The following AGL variants were observed in gnomAD, a reference collection of about 807,000 sequenced individuals.
AGL encodes glycogen debranching enzyme.
AGL carries 128 observed loss-of-function variants against 199.3 expected under a neutral mutation model. That is an observed-to-expected ratio of 0.64 (90% CI 0.56 to 0.74). The LOEUF is 0.74. Among genes scored for constraint, AGL ranks in the 30% least tolerant of loss-of-function variants. The probability of loss-of-function intolerance (pLI) is 0.00; values close to 1 mark genes in which losing one functional copy is unlikely to be tolerated. For missense variants in AGL, 1,809 were observed against 1,820.8 expected, an observed-to-expected ratio of 0.99 and a Z score of 0.12; for synonymous variants, 584 against 594.7, an observed-to-expected ratio of 0.98 and a Z score of 0.26.
chr1:99,884,623 G>C lies in AGL; in HGVS notation c.2601G>C (p.Leu867=). Residue 867 remains leucine, a synonymous_variant, in exon 20 of 34, where the codon CTG becomes CTC. Coordinates refer to ENST00000361915, the MANE Select transcript of AGL (RefSeq NM_000642.3). ...CTGTTGGAATTCTTCGAAATCATCTGACACAATTCAGTCCTCACTTTAAAT... is the reference window on the plus strand; with the variant it reads ...CTGTTGGAATTCTTCGAAATCATCTCACACAATTCAGTCCTCACTTTAAAT... ...QVAVGILRNH[L]TQFSPHFKSG... 1 of 1,613,864 alleles carries C rather than the reference G, an allele frequency of 6.2e-7. No homozygotes were observed. The highest frequency in any genetic ancestry group is 8.5e-7 in the Non-Finnish European group (1 of 1,179,842).
chr1:99,856,082 TA>T (rs1381824177), intron 2 of AGL, among the ~76,000 whole-genome samples: 3 of 152,186 alleles, frequency 2.0e-5, no homozygotes, highest in African/African-American at 7.2e-5. Context: ...GTATGAGGAA[TA>T]AGATAGCCAC....
Position 99,912,402 on chromosome 1 carries a change from T to C in AGL, c.3837-3T>C, listed in dbSNP as rs377763700. On this transcript the variant is annotated splice_region_variant and splice_polypyrimidine_tract_variant and intron_variant, in intron 28 of 33. Transcript: ENST00000361915. Reference sequence around the variant, plus strand: ...AGAATAAAAATACGTTTTTTAATTTTAGAGATGGGTCTGCTGTGGAAATTG... The same window carrying C: ...AGAATAAAAATACGTTTTTTAATTTCAGAGATGGGTCTGCTGTGGAAATTG... 2.5e-6 allele frequency: 4 copies of C among 1,613,082 alleles called. No homozygotes were observed. In the African/African-American group the frequency reaches 5.3e-5, roughly 22 times the overall value.
chr1:99,910,187 G>A (rs569039526), intron 27 of AGL, among the ~76,000 whole-genome samples: 1 of 152,160 alleles, frequency 6.6e-6, no homozygotes, highest in South Asian at 2.1e-4. Context: ...GTAACCATCA[G>A]CAAAATAATG....
intron 17 of AGL, 136 bp from the exon 18 acceptor site, chr1:99,883,984 A>T: frequency 1.4e-6 from 1 of 711,780 alleles, no homozygotes; most frequent in Non-Finnish European, 2.4e-6. Flanking sequence ...AGAATCATCT[A>T]CTTTCAGACT....
rs1447806992 is a variant in AGL, at chr1:99,881,372, C to T, written c.2082C>T (p.Phe694=). The change falls in exon 16 of 34, where the codon TTC becomes TTT. Residue 694 remains phenylalanine (F), a synonymous_variant. Transcript: ENST00000361915. ...ALPSNTGEVN[F]QSGIIAARCA... is the part of the protein sequence containing the mutation. ...CTTCAAACACAGGTGAAGTTAATTT[C>T]CAAAGCGGCATTATTGCAGCCAGGT... 6.2e-7 allele frequency: 1 copy of T among 1,614,002 alleles called. No homozygotes were observed. Among genetic ancestry groups the T allele is most frequent in the African/African-American group, 1.3e-5 (1 of 74,922 alleles).
rs145338429 is a variant in AGL at position 99,867,564 on chromosome 1, T to C, written c.665-2836T>C. The stretch of plus-strand genomic sequence containing the variant: ...CTTTTTTTTTAATTTTTTTTTCTCT[T>C]TTTTTTTTTGAGACGGAGTCTCCTT... On this transcript the variant is annotated intron_variant, in intron 5 of 33. Coordinates refer to ENST00000361915, the MANE Select transcript of AGL (RefSeq NM_000642.3). Among the ~76,000 whole-genome samples, 262 of 150,478 alleles carry C rather than the reference T, an allele frequency of 1.7e-3. 4 individuals carry two copies. The highest frequency in any genetic ancestry group is 6.1e-3 in the African/African-American group (252 of 41,222).
rs1242081166 is a variant in AGL at position 99,900,636 on chromosome 1, G to A, written c.3363G>A (p.Arg1121=). ...GATCCACTTAATTCTGTTGTTTTAG[G>A]AATATTATTTTAGCATTTGCGGGTA... ...LLITGRYVEA[R]NIILAFAGTL... is the part of the protein sequence containing the mutation. Residue 1121 remains arginine (R), a splice_region_variant and synonymous_variant, in exon 26 of 34, where the codon AGG becomes AGA. Transcript: ENST00000361915. The A allele has an allele frequency of 4.3e-6, 7 of 1,612,452 alleles. No individual in the cohort carries two copies. Among genetic ancestry groups the A allele is most frequent in the Non-Finnish European group, 5.9e-6 (7 of 1,178,550 alleles).
chr1:99,900,857 C>T lies in AGL; in HGVS notation c.3584C>T (p.Thr1195Ile), dbSNP rs148930543. ...TDDSAPLPAG[T>I]LDQPLFEVIQ... ...GATTCTGCTCCTTTGCCTGCTGGCA[C>T]ACTGGTAAAGATATTTCTTAAAATG... The change falls in exon 26 of 34, where the codon ACA becomes ATA. Residue 1195 changes from threonine (T) to isoleucine (I), a missense_variant. Transcript: ENST00000361915. The T allele has an allele frequency of 6.3e-7, 1 of 1,588,980 alleles. No individual in the cohort carries two copies. The highest frequency in any genetic ancestry group is 1.7e-5 in the Admixed American group (1 of 59,808).
At chr1:99,895,491 T>A (rs1259700207) in intron 24 of AGL, among the ~76,000 whole-genome samples, 1 of 152,216 alleles carries the variant, frequency 6.6e-6, no homozygotes, top group Non-Finnish European at 1.5e-5. Context: ...GGAAATTTGA[T>A]AATGTTGACT....
intron 2 of AGL, chr1:99,861,184 G>T (rs991089595): frequency 1.5e-5 from 18 of 1,213,144 alleles, no homozygotes; most frequent in Non-Finnish European, 1.9e-5. Flanking sequence ...TCAGGGGTGA[G>T]GATGGGGGAT....
intron 2 of AGL, among the ~76,000 whole-genome samples, chr1:99,856,330 C>G (rs1168377650): frequency 3.8e-5 from 2 of 52,576 alleles, no homozygotes; most frequent in Non-Finnish European, 6.7e-5. Context: ...CTTCCTTCCT[C>G]CCTCCCTCCC....
intron 24 of AGL, among the ~76,000 whole-genome samples, chr1:99,895,529 C>G (rs1293109831): frequency 1.3e-5 from 2 of 152,036 alleles, no homozygotes; most frequent in Admixed American, 1.3e-4. Context: ...ACTCCATATA[C>G]TTAATTAGGT....
chr1:99,888,236 C>A, intron 21 of AGL, 128 bp downstream of exon 21: 1 of 1,187,758 alleles, frequency 8.4e-7, no homozygotes, highest in Non-Finnish European at 1.2e-6. Flanking sequence ...TGCTTCTGCT[C>A]ATTAATTGAC....
intron 2 of AGL, among the ~76,000 whole-genome samples, chr1:99,854,194 T>TA (rs1005015526): frequency 9.9e-5 from 15 of 150,814 alleles, no homozygotes; most frequent in Non-Finnish European, 2.1e-4. Flanking sequence ...AACTCTATCT[T>TA]AAAAAAAAAT....
chr1:99,872,496 T>C (rs1259569411), intron 7 of AGL, among the ~76,000 whole-genome samples: 1 of 151,686 alleles, frequency 6.6e-6, no homozygotes, highest in African/African-American at 2.4e-5. Context: ...ATCATGTTTG[T>C]CAATTAGGCA....
At chr1:99,884,072 G>A (rs752729319) in intron 17 of AGL, 48 bp from the exon 18 acceptor site, 1 of 1,515,582 alleles carries the variant, frequency 6.6e-7, no homozygotes, top group African/African-American at 1.4e-5. Flanking sequence ...TCCTAATTTT[G>A]GATGATTCCA....
Position 99,865,316 on chromosome 1 carries a change from A to G in AGL, c.664+727A>G, listed in dbSNP as rs561721628. ...CTATATTAGCAGGAGCTCTGGTACT[A>G]TAGTACTATAGCATATATGAAAAAA... is the stretch of plus-strand genomic sequence containing the variant. On this transcript the variant is annotated intron_variant, in intron 5 of 33. Coordinates refer to ENST00000361915, the MANE Select transcript of AGL (RefSeq NM_000642.3). Among the ~76,000 whole-genome samples the G allele has an allele frequency of 1.1e-3, 162 of 152,340 alleles. 1 individual carries two copies. The highest frequency in any genetic ancestry group is 3.6e-3 in the African/African-American group (151 of 41,570).
chr1:99,899,729 T>A (rs1653660516), intron 25 of AGL, among the ~76,000 whole-genome samples: 1 of 152,064 alleles, frequency 6.6e-6, no homozygotes, highest in Non-Finnish European at 1.5e-5. Context: ...CACGCCGTTC[T>A]CCTGCCTCAG....
chr1:99,904,592 C>T (rs1654112896), intron 27 of AGL, among the ~76,000 whole-genome samples: 1 of 151,960 alleles, frequency 6.6e-6, no homozygotes, highest in Non-Finnish European at 1.5e-5. Context: ...TCTTTGTGTA[C>T]CCTTTTATGG....
Sources: gnomAD v4.1 joint callset for allele counts (sites outside exome capture counted in the v4.1 genomes callset) on GRCh38, gnomAD v4.1.1 for gene constraint, MANE v1.5 for transcripts, NCBI Gene and HGNC (gene_info 2026-07-23, HGNC 2026-07-21) for gene names.